KCNG2: variants seen among roughly 807,000 people sequenced by gnomAD.
KCNG2 encodes voltage-gated potassium channel regulatory subunit KCNG2.
KCNG2 carries 7 observed loss-of-function variants against 12.3 expected under a neutral mutation model. The ratio of observed to expected loss-of-function variants is 0.57; its 90% CI spans 0.32 to 1.07. KCNG2 has a LOEUF of 1.07. Among genes scored for constraint, KCNG2 ranks in the 50% least tolerant of loss-of-function variants. The pLI is 0.04. For missense variants in KCNG2, 703 were observed against 726.0 expected (o/e 0.97, Z 0.36); for synonymous variants, 414 against 351.4 (o/e 1.18, Z -1.99).
chr18:79,798,958 C>T (rs1391990073), intron 1 of KCNG2, among the ~76,000 whole-genome samples: 1 of 152,212 alleles, frequency 6.6e-6, no homozygotes, highest in Non-Finnish European at 1.5e-5. Flanking sequence ...GGGGTCTCCC[C>T]ACACAGCAGG....
chr18:79,825,067 C>T (rs2087602512), intron 1 of KCNG2, among the ~76,000 whole-genome samples: 1 of 131,374 alleles, frequency 7.6e-6, no homozygotes, highest in African/African-American at 2.7e-5. Context: ...GGAGAATTCT[C>T]TGTAAACCTG....
At chr18:79,861,300 T>G (rs1185591405) in intron 2 of KCNG2, among the ~76,000 whole-genome samples, 3 of 118,892 alleles carry the variant, frequency 2.5e-5, no homozygotes, top group Non-Finnish European at 3.4e-5. Context: ...TTTTTTGAGA[T>G]GGAGTTCTCA....
At chr18:79,829,579 G>A (rs1978290257) in intron 1 of KCNG2, among the ~76,000 whole-genome samples, 1 of 151,952 alleles carries the variant, frequency 6.6e-6, no homozygotes, top group South Asian at 2.1e-4. Context: ...GCCTCCCTAT[G>A]GCTGGTCAGT....
chr18:79,867,229 G>T (rs1008311391), intron 3 of KCNG2, among the ~76,000 whole-genome samples: 3 of 152,028 alleles, frequency 2.0e-5, no homozygotes, highest in South Asian at 2.1e-4. Flanking sequence ...CTAGACCTGG[G>T]TGTGGATCTT....
intron 1 of KCNG2, among the ~76,000 whole-genome samples, chr18:79,825,567 A>G (rs1332373318): frequency 2.0e-5 from 3 of 152,232 alleles, no homozygotes; most frequent in Non-Finnish European, 4.4e-5. Context: ...GAGTCTCAGA[A>G]ACCACGGAGG....
rs543415817 is a variant in KCNG2 at position 79,897,797 on chromosome 18, C to T, written c.625-1243C>T. On this transcript the variant is annotated intron_variant, in intron 3 of 3. Transcript: ENST00000316249. ...ATGCCTGTGTGCCCCTCTTCCTCCC[C>T]AGCAACAGTCTCGGTGTCGAAGCAC... Among the ~76,000 whole-genome samples, 6 of 152,032 alleles carry T rather than the reference C, an allele frequency of 3.9e-5. No individual in the cohort carries two copies. The South Asian group carries it at 1.3e-3, about 32-fold the overall frequency.
intron 1 of KCNG2, among the ~76,000 whole-genome samples, chr18:79,837,354 G>A (rs1228028862): frequency 6.6e-6 from 1 of 152,208 alleles, no homozygotes; most frequent in African/African-American, 2.4e-5. Flanking sequence ...CTGGCTCTGA[G>A]TGATGGTGGC....
At chr18:79,874,724 G>A (rs1241591794) in intron 3 of KCNG2, among the ~76,000 whole-genome samples, 1 of 152,222 alleles carries the variant, frequency 6.6e-6, no homozygotes, top group Non-Finnish European at 1.5e-5. Context: ...GTGGAAGCTG[G>A]TGCATCTCCG....
chr18:79,888,711 TAG>T (rs1225673170), intron 3 of KCNG2, among the ~76,000 whole-genome samples: 6 of 152,270 alleles, frequency 3.9e-5, no homozygotes, highest in South Asian at 2.1e-4. Flanking sequence ...TTTTTTTTTT[TAG>T]AGAGTCTCAC....
chr18:79,879,428 G>A (rs1397703955), intron 3 of KCNG2, among the ~76,000 whole-genome samples: 2 of 152,232 alleles, frequency 1.3e-5, no homozygotes, highest in Non-Finnish European at 2.9e-5. Context: ...AACATCAGGA[G>A]TTATAATCAG....
intron 3 of KCNG2, among the ~76,000 whole-genome samples, chr18:79,888,578 A>G (rs1268018608): frequency 6.6e-6 from 1 of 151,856 alleles, no homozygotes; most frequent in Non-Finnish European, 1.5e-5. Flanking sequence ...CTCCTCCTGA[A>G]GCCGCTGTGC....
In KCNG2 at chr18:79,882,469, T is replaced by G. The variant is rs1205887332; in HGVS notation, c.625-16571T>G. 5.3e-5 allele frequency among the ~76,000 whole-genome samples: 8 copies of G among 152,354 alleles called. No homozygotes were observed. In the East Asian group the frequency reaches 1.5e-3, roughly 29 times the overall value. ...ACAAAGGACTTGTAATTAAGCTATA[T>G]AAAGAACTGTATAAACTCAACTGTA... On this transcript the variant is annotated intron_variant, in intron 3 of 3. Transcript: ENST00000316249.
chr18:79,893,179 G>A (rs116176720), intron 3 of KCNG2, among the ~76,000 whole-genome samples: 4,847 of 151,878 alleles, frequency 0.032, 277 homozygotes, highest in African/African-American at 0.11. Context: ...AGTTGGCTCC[G>A]TGTCCGCTTT....
At chr18:79,874,790 C>T (rs1178273766) in intron 3 of KCNG2, among the ~76,000 whole-genome samples, 4 of 152,194 alleles carry the variant, frequency 2.6e-5, no homozygotes, top group Admixed American at 6.5e-5. Flanking sequence ...CTTCCAGGGG[C>T]ACCGGGTCCC....
At chr18:79,836,090 G>A (rs1054308311) in intron 1 of KCNG2, among the ~76,000 whole-genome samples, 5 of 152,220 alleles carry the variant, frequency 3.3e-5, no homozygotes, top group African/African-American at 1.2e-4. Context: ...CATTGGCAGA[G>A]TGGGTTTAAA....
At chr18:79,860,071 G>A (rs935134247) in intron 2 of KCNG2, among the ~76,000 whole-genome samples, 3 of 152,216 alleles carry the variant, frequency 2.0e-5, no homozygotes, top group African/African-American at 4.8e-5. Context: ...AGAAAGCAAA[G>A]GGGGAGCAGG....
chr18:79,861,423 C>A lies in KCNG2; in HGVS notation c.-40-2205C>A, dbSNP rs1979218425. On this transcript the variant is annotated intron_variant, in intron 2 of 3. Transcript: ENST00000316249. ...CCTCCCGAGTAGCTGGGATTACGGG[C>A]ACCTGCCACCACACCCCGCTAATTT... Among the ~76,000 whole-genome samples the A allele has an allele frequency of 2.0e-5, 3 of 152,098 alleles. No individual in the cohort carries two copies. In the South Asian group the frequency reaches 6.2e-4, roughly 32 times the overall value.
intron 2 of KCNG2, among the ~76,000 whole-genome samples, chr18:79,860,617 T>TA (rs1979175767): frequency 6.6e-6 from 1 of 152,210 alleles, no homozygotes; most frequent in African/African-American, 2.4e-5. Context: ...TGATTTTTTT[T>TA]ACCGATCTCA....
intron 2 of KCNG2, among the ~76,000 whole-genome samples, chr18:79,859,271 A>C (rs887017634): frequency 2.0e-5 from 3 of 152,190 alleles, no homozygotes; most frequent in Admixed American, 6.5e-5. Flanking sequence ...ATCTTGGTCC[A>C]TTCAGTGTTG....
Sources: allele counts gnomAD v4.1 joint callset (sites outside exome capture counted in the v4.1 genomes callset), GRCh38; gene constraint gnomAD v4.1.1; transcripts MANE v1.5; gene names NCBI Gene and HGNC (gene_info 2026-07-23, HGNC 2026-07-21).